The following KCNC2 variants were observed in gnomAD, a reference collection of about 807,000 sequenced individuals.
KCNC2 encodes the protein voltage-gated potassium channel KCNC2.
Under a neutral mutation model 44.5 loss-of-function variants are expected in KCNC2, and 21 were observed. The observed-to-expected ratio is 0.47, with a 90% CI of 0.33 to 0.68. The LOEUF (loss-of-function observed/expected upper bound fraction) is 0.68. KCNC2 is among the 30% of genes least tolerant of loss of function. The probability of loss-of-function intolerance (pLI) is 0.01; values close to 1 mark genes in which losing one functional copy is unlikely to be tolerated. For missense variants in KCNC2, 589 were observed against 826.2 expected (o/e 0.71, Z 3.52); for synonymous variants, 391 against 339.1 (o/e 1.15, Z -1.68).
chr12:75,051,107 G>C lies in KCNC2; in HGVS notation c.898C>G (p.Arg300Gly). Residue 300 changes from arginine (R) to glycine (G), a missense_variant, in exon 3 of 5, where the codon CGT becomes GGT. By Grantham distance (125) the Arg-to-Gly change is moderately radical. Transcript: ENST00000549446. ...AGTTTATTGGGTGAAAAAACAATAC[G>C]GACTAAAAATTCAAAAGTAAACCAC... The part of the protein sequence containing the change: ...VVWFTFEFLV[R>G]IVFSPNKLEF... 6.2e-7 allele frequency: 1 copy of C among 1,613,060 alleles called. No individual in the cohort carries two copies. The highest frequency in any genetic ancestry group is 8.5e-7 in the Non-Finnish European group (1 of 1,179,306).
intron 2 of KCNC2, among the ~76,000 whole-genome samples, chr12:75,169,937 T>A (rs867553173): frequency 5.3e-5 from 8 of 151,790 alleles, no homozygotes; most frequent in African/African-American, 1.9e-4. Flanking sequence ...GATTACTTTT[T>A]CCCTAGGCCT....
At chr12:75,097,848 C>T (rs1321327298) in intron 2 of KCNC2, among the ~76,000 whole-genome samples, 2 of 151,986 alleles carry the variant, frequency 1.3e-5, no homozygotes, top group Non-Finnish European at 2.9e-5. Flanking sequence ...AGACAGTGTT[C>T]GTAAATACAT....
chr12:75,053,586 C>T (rs1040423317), intron 2 of KCNC2, among the ~76,000 whole-genome samples: 6 of 151,862 alleles, frequency 4.0e-5, no homozygotes, highest in Non-Finnish European at 7.4e-5. Flanking sequence ...TAAAGGACCA[C>T]ACCATGATTT....
chr12:75,107,072 A>G (rs1437188806), intron 2 of KCNC2, among the ~76,000 whole-genome samples: 4 of 151,880 alleles, frequency 2.6e-5, no homozygotes. Flanking sequence ...TGGGGGGCTG[A>G]GGGGGGCAGA....
At position 75,112,202 on chromosome 12, in the gene KCNC2, T is replaced by G. The variant is rs537845889; in HGVS notation, c.688-60885A>C. Among the ~76,000 whole-genome samples the G allele has an allele frequency of 6.6e-5, 10 of 152,100 alleles. No homozygotes were observed. The South Asian group carries it at 1.5e-3, about 22-fold the overall frequency. ...AGATTACTAACATTTTAAGAAGAGTTACAGTTCTACTCTATGCTTATGAAA... is the reference window on the plus strand; with the variant it reads ...AGATTACTAACATTTTAAGAAGAGTGACAGTTCTACTCTATGCTTATGAAA... On this transcript the variant is annotated intron_variant, in intron 2 of 4. Coordinates refer to ENST00000549446, the MANE Select transcript of KCNC2 (RefSeq NM_139137.4).
intron 2 of KCNC2, among the ~76,000 whole-genome samples, chr12:75,138,096 T>C (rs1889362346): frequency 6.6e-6 from 1 of 152,220 alleles, no homozygotes; most frequent in African/African-American, 2.4e-5. Context: ...AACAGAATCC[T>C]GCTAACTTCA....
At chr12:75,102,394 T>C (rs1886438342) in intron 2 of KCNC2, among the ~76,000 whole-genome samples, 1 of 150,740 alleles carries the variant, frequency 6.6e-6, no homozygotes, top group African/African-American at 2.4e-5. Flanking sequence ...ATGAGATGAC[T>C]AAGGTGACAT....
At chr12:75,082,115 A>C (rs1172298973) in intron 2 of KCNC2, among the ~76,000 whole-genome samples, 1 of 150,190 alleles carries the variant, frequency 6.7e-6, no homozygotes, top group African/African-American at 2.4e-5. Flanking sequence ...GATGTTGTGA[A>C]TATCAATTAA....
chr12:75,044,004 A>C (rs1428835591), intron 4 of KCNC2, among the ~76,000 whole-genome samples: 1 of 151,944 alleles, frequency 6.6e-6, no homozygotes, highest in Non-Finnish European at 1.5e-5. Flanking sequence ...TCACACCTTG[A>C]TCTTTTGTTC....
intron 2 of KCNC2, among the ~76,000 whole-genome samples, chr12:75,055,068 G>A (rs1370415529): frequency 6.6e-6 from 1 of 152,076 alleles, no homozygotes; most frequent in Non-Finnish European, 1.5e-5. Flanking sequence ...TGGAGGGGAA[G>A]AGATTTTATT....
chr12:75,077,127 T>C (rs565333060), intron 2 of KCNC2, among the ~76,000 whole-genome samples: 1 of 152,298 alleles, frequency 6.6e-6, no homozygotes, highest in South Asian at 2.1e-4. Flanking sequence ...CAAGAGCAAC[T>C]AAAATCTATT....
chr12:75,130,605 TCA>T, intron 2 of KCNC2, among the ~76,000 whole-genome samples: 1 of 152,120 alleles, frequency 6.6e-6, no homozygotes, highest in Non-Finnish European at 1.5e-5. Context: ...GATGAACACA[TCA>T]ATAAGAAATT....
At chr12:75,134,246 G>A (rs1256408005) in intron 2 of KCNC2, among the ~76,000 whole-genome samples, 2 of 151,856 alleles carry the variant, frequency 1.3e-5, no homozygotes, top group East Asian at 1.9e-4. Context: ...AAAAATTAAA[G>A]CATAGTGAAC....
Position 75,050,427 on chromosome 12 carries a change from C to G in KCNC2, c.1578G>C (p.Leu526=). 6.2e-7 allele frequency: 1 copy of G among 1,612,874 alleles called. No homozygotes were observed. The highest frequency in any genetic ancestry group is 1.1e-5 in the South Asian group (1 of 90,934). ...ACNSTQSDTC[L]GKDNRLLEHN... is the part of the protein sequence containing the mutation. ...GTTCCAGAAGTCGATTGTCTTTGCC[C>G]AGACATGTGTCACTCTGTGTACTAT... The change falls in exon 3 of 5, where the codon CTG becomes CTC. Residue 526 remains leucine, a synonymous_variant. Coordinates refer to ENST00000549446, the MANE Select transcript of KCNC2 (RefSeq NM_139137.4).
intron 2 of KCNC2, among the ~76,000 whole-genome samples, chr12:75,177,252 A>G (rs912048908): frequency 8.6e-5 from 13 of 151,828 alleles, no homozygotes; most frequent in Admixed American, 7.2e-4. Context: ...CTTCTCAGCA[A>G]AAAGAACAAT....
intron 2 of KCNC2, among the ~76,000 whole-genome samples, chr12:75,081,284 T>C (rs1884479277): frequency 6.6e-6 from 1 of 152,068 alleles, no homozygotes; most frequent in Non-Finnish European, 1.5e-5. Flanking sequence ...GTTAATTTTG[T>C]CACATTGAAT....
rs374294329 is a variant in KCNC2, at chr12:75,073,997, G to A, written c.688-22680C>T. ...TCATCACTTGATCATTCTCTTTTAT[G>A]CCTTTGCCTATTGTCTGCCTATTGA... On this transcript the variant is annotated intron_variant, in intron 2 of 4. Coordinates refer to ENST00000549446, the MANE Select transcript of KCNC2 (RefSeq NM_139137.4). Among the ~76,000 whole-genome samples, 84 of 152,166 alleles carry A rather than the reference G, an allele frequency of 5.5e-4. 1 individual carries two copies. The highest frequency in any genetic ancestry group is 2.0e-3 in the African/African-American group (81 of 41,528).
At chr12:75,199,773 T>C (rs911924456) in intron 2 of KCNC2, among the ~76,000 whole-genome samples, 1 of 151,828 alleles carries the variant, frequency 6.6e-6, no homozygotes. Flanking sequence ...GTTGAACCAG[T>C]GTTGCATTAA....
At chr12:75,151,851 T>C (rs1890417183) in intron 2 of KCNC2, among the ~76,000 whole-genome samples, 1 of 148,756 alleles carries the variant, frequency 6.7e-6, no homozygotes, top group Non-Finnish European at 1.5e-5. Context: ...ATTAGTGAAC[T>C]GGAATAAACA....
Sources: allele counts gnomAD v4.1 joint callset (sites outside exome capture counted in the v4.1 genomes callset), GRCh38; gene constraint gnomAD v4.1.1; transcripts MANE v1.5; gene names NCBI Gene and HGNC (gene_info 2026-07-23, HGNC 2026-07-21).